The following NDUFAF6 variants were observed in gnomAD, a reference collection of about 807,000 sequenced individuals.
NDUFAF6 encodes the protein NADH dehydrogenase (ubiquinone) complex I, assembly factor 6.
Under a neutral mutation model 40.8 loss-of-function variants are expected in NDUFAF6, and 45 were observed. The ratio of observed to expected loss-of-function variants is 1.10; its 90% CI spans 0.87 to 1.42. The LOEUF (loss-of-function observed/expected upper bound fraction) is 1.42, where lower values mean the gene tolerates loss of function less well. Among genes scored for constraint, NDUFAF6 ranks in the 40% most tolerant of loss-of-function variants. The pLI, the probability that NDUFAF6 is intolerant of heterozygous loss-of-function variation, is 0.00. For synonymous variants in NDUFAF6, 185 were observed against 155.9 expected, an observed-to-expected ratio of 1.19 and a Z score of -1.39; for missense variants, 435 against 418.5, an observed-to-expected ratio of 1.04 and a Z score of -0.34.
chr8:95,035,606 TGTATGAATATTATTCGA>T, intron 3 of NDUFAF6, 30 bp downstream of exon 3: 1 of 1,594,844 alleles, frequency 6.3e-7, no homozygotes, highest in Non-Finnish European at 8.6e-7. Flanking sequence ...ACTTTTAATT[TGTATGAATATTATTCGA>T]GTCTACTTTT....
intron 1 of NDUFAF6, among the ~76,000 whole-genome samples, chr8:95,030,009 C>G (rs948263478): frequency 6.6e-6 from 1 of 152,016 alleles, no homozygotes; most frequent in African/African-American, 2.4e-5. Flanking sequence ...ACTTTTACCC[C>G]TTTAACATTT....
chr8:95,105,633 C>G (rs778692444), downstream of NDUFAF6, among the ~76,000 whole-genome samples: 18 of 152,100 alleles, frequency 1.2e-4, no homozygotes, highest in Non-Finnish European at 1.0e-4. Context: ...TTCTGAGTAC[C>G]TGGGATTACA....
At chr8:94,999,981 G>A (rs573372094) in intron 2 of NDUFAF6, among the ~76,000 whole-genome samples, 8 of 152,070 alleles carry the variant, frequency 5.3e-5, no homozygotes, top group African/African-American at 1.9e-4. Context: ...AGGCTGATGG[G>A]GGAGGATCCC....
chr8:95,053,711 C>T (rs1447533253), intron 8 of NDUFAF6, among the ~76,000 whole-genome samples: 1 of 151,494 alleles, frequency 6.6e-6, no homozygotes, highest in Non-Finnish European at 1.5e-5. Flanking sequence ...CTGCAGCCTC[C>T]GCCTCCCAGG....
intron 7 of NDUFAF6, among the ~76,000 whole-genome samples, chr8:95,050,990 G>A (rs1831366799): frequency 6.6e-6 from 1 of 152,146 alleles, no homozygotes; most frequent in African/African-American, 2.4e-5. Flanking sequence ...GGTATGTTTG[G>A]TGTGGATCAT....
chr8:95,101,476 T>C (rs537034779), intron 2 of NDUFAF6, among the ~76,000 whole-genome samples: 2 of 152,308 alleles, frequency 1.3e-5, no homozygotes, highest in South Asian at 4.1e-4. Flanking sequence ...GCAGGACAGT[T>C]CATTCCATTA....
chr8:95,047,508 C>CTTTTTTTTTTTTTTT (rs373655223), intron 6 of NDUFAF6, among the ~76,000 whole-genome samples: 2 of 126,420 alleles, frequency 1.6e-5, no homozygotes, highest in African/African-American at 2.9e-5. Flanking sequence ...CTTTTCTTTT[C>CTTTTTTTTTTTTTTT]TTTTTTTTTT....
intron 2 of NDUFAF6, among the ~76,000 whole-genome samples, chr8:95,088,163 A>T (rs1009185437): frequency 6.6e-6 from 1 of 152,204 alleles, no homozygotes; most frequent in African/African-American, 2.4e-5. Flanking sequence ...TGCAAACCTC[A>T]TGGCTATAAG....
chr8:95,118,281 G>T (rs1185170456), downstream of NDUFAF6, among the ~76,000 whole-genome samples: 1 of 152,184 alleles, frequency 6.6e-6, no homozygotes, highest in Non-Finnish European at 1.5e-5. Context: ...ACCCCTGGAT[G>T]TCCTGGAACA....
intron 1 of NDUFAF6, among the ~76,000 whole-genome samples, chr8:94,961,976 A>G (rs1458877043): frequency 1.3e-5 from 2 of 152,216 alleles, no homozygotes; most frequent in Non-Finnish European, 2.9e-5. Flanking sequence ...GTGAGGCCCA[A>G]GAATTTTCTC....
chr8:95,005,283 G>A (rs1450365299), intron 2 of NDUFAF6, among the ~76,000 whole-genome samples: 2 of 152,116 alleles, frequency 1.3e-5, no homozygotes, highest in Admixed American at 6.5e-5. Flanking sequence ...CAAAGAGACC[G>A]AAAGGCATCA....
intron 9 of NDUFAF6, among the ~76,000 whole-genome samples, chr8:95,071,254 C>CGG (rs1832844224): frequency 6.6e-6 from 1 of 150,704 alleles, no homozygotes; most frequent in African/African-American, 2.4e-5. Context: ...AAAAATTAGC[C>CGG]GGGCATTGTG....
intron 9 of NDUFAF6, among the ~76,000 whole-genome samples, chr8:95,073,704 G>T (rs543113773): frequency 5.9e-5 from 9 of 152,306 alleles, no homozygotes; most frequent in African/African-American, 2.2e-4. Flanking sequence ...CCAGCTTACA[G>T]GACATGTCGA....
At chr8:94,906,723 T>G (rs2131199663) in intron 1 of NDUFAF6, among the ~76,000 whole-genome samples, 1 of 152,334 alleles carries the variant, frequency 6.6e-6, no homozygotes, top group Non-Finnish European at 1.5e-5. Flanking sequence ...TTCCTAGTAA[T>G]GAAAGCCAGT....
At chr8:94,930,293 A>C (rs1820262803) in intron 1 of NDUFAF6, 2 of 722,554 alleles carry the variant, frequency 2.8e-6, no homozygotes, top group Non-Finnish European at 4.4e-6. Context: ...TAAATGTTAA[A>C]GGCAAGGCAT....
At chr8:95,098,955 T>A (rs908626761), upstream of NDUFAF6, among the ~76,000 whole-genome samples, 6 of 151,558 alleles carry the variant, frequency 4.0e-5, no homozygotes, top group African/African-American at 1.5e-4. Context: ...AAAAACTGGC[T>A]CTAGGCTGGG....
chr8:95,053,698 T>G lies in NDUFAF6; in HGVS notation c.873+1468T>G, dbSNP rs578211881. Among the ~76,000 whole-genome samples, 25 of 151,992 alleles carry G rather than the reference T, an allele frequency of 1.6e-4. No homozygotes were observed. In the East Asian group the frequency reaches 4.8e-3, roughly 29 times the overall value. On this transcript the variant is annotated intron_variant, in intron 8 of 8. Transcript: ENST00000396124. ...TAGAGTGCAGTGGTGTGATCTTGGC[T>G]CACTGCAGCCTCCGCCTCCCAGGTT... is the stretch of plus-strand genomic sequence containing the variant.
At chr8:94,896,677 G>T (rs1322882677) in intron 1 of NDUFAF6, 1 of 152,074 alleles carries the variant, frequency 6.6e-6, no homozygotes, top group African/African-American at 2.4e-5. Flanking sequence ...GGAGCCTCGC[G>T]GGCGGGAGCC....
At chr8:94,976,657 G>A (rs1172196679) in intron 1 of NDUFAF6, among the ~76,000 whole-genome samples, 2 of 140,954 alleles carry the variant, frequency 1.4e-5, no homozygotes, top group African/African-American at 2.6e-5. Flanking sequence ...TTGGGCAACA[G>A]AGCAAGACTT....
Sources: allele counts gnomAD v4.1 joint callset (sites outside exome capture counted in the v4.1 genomes callset), GRCh38; gene constraint gnomAD v4.1.1; transcripts MANE v1.5; gene names NCBI Gene and HGNC (gene_info 2026-07-23, HGNC 2026-07-21).